Variants in MALRD1 observed in about 807,000 individuals in gnomAD.
MALRD1 encodes MAM and LDL-receptor class A domain-containing protein 1.
A neutral mutation model predicts 242.1 loss-of-function variants in MALRD1; 247 were observed. That is an observed-to-expected ratio of 1.02 (90% CI 0.92 to 1.13). MALRD1 has a LOEUF of 1.13. MALRD1 is among the 50% of genes most tolerant of loss of function. The pLI is 0.00. For missense variants in MALRD1, 2,989 were observed against 2,533.1 expected (o/e 1.18, Z -3.86); for synonymous variants, 995 against 866.6 (o/e 1.15, Z -2.60).
intron 21 of MALRD1, among the ~76,000 whole-genome samples, chr10:19,314,875 T>C (rs764571186): frequency 7.3e-5 from 11 of 151,236 alleles, no homozygotes; most frequent in Non-Finnish European, 1.0e-4. Flanking sequence ...CTCTTGATCG[T>C]TAGGTATAAG....
At chr10:19,312,202 T>A (rs1842452923) in intron 21 of MALRD1, among the ~76,000 whole-genome samples, 1 of 151,324 alleles carries the variant, frequency 6.6e-6, no homozygotes, top group South Asian at 2.1e-4. Flanking sequence ...CTCATGTAAA[T>A]GTGACTGTGA....
At chr10:19,718,101 G>GGAA (rs1834488855) in intron 38 of MALRD1, among the ~76,000 whole-genome samples, 1 of 89,696 alleles carries the variant, frequency 1.1e-5, no homozygotes, top group African/African-American at 5.4e-5. Flanking sequence ...AAGAAGAAGA[G>GGAA]GAAGAGGAAG....
chr10:19,124,752 G>A, intron 7 of MALRD1, 82 bp downstream of exon 7: 1 of 1,125,060 alleles, frequency 8.9e-7, no homozygotes, highest in South Asian at 4.6e-5. Flanking sequence ...TTACATAGGA[G>A]GCCTTGGTGA....
intron 24 of MALRD1, among the ~76,000 whole-genome samples, chr10:19,333,770 T>G (rs923966752): frequency 1.3e-5 from 2 of 152,098 alleles, no homozygotes; most frequent in Non-Finnish European, 2.9e-5. Flanking sequence ...ACCAGCAGTG[T>G]GTAAGCTTTG....
chr10:19,442,441 T>C (rs1834720222), intron 28 of MALRD1, among the ~76,000 whole-genome samples: 1 of 152,186 alleles, frequency 6.6e-6, no homozygotes, highest in African/African-American at 2.4e-5. Context: ...TTCAGTATGA[T>C]ATTGGCTGTG....
chr10:19,266,033 T>C (rs1839960609), intron 19 of MALRD1, among the ~76,000 whole-genome samples: 1 of 151,992 alleles, frequency 6.6e-6, no homozygotes, highest in South Asian at 2.1e-4. Flanking sequence ...TAGCTTCCTG[T>C]GCTCTTTTCT....
intron 36 of MALRD1, among the ~76,000 whole-genome samples, chr10:19,659,038 A>T (rs1384969636): frequency 6.6e-6 from 1 of 152,204 alleles, no homozygotes; most frequent in Non-Finnish European, 1.5e-5. Context: ...GACCAAAAAA[A>T]TGACTAGTCT....
intron 29 of MALRD1, among the ~76,000 whole-genome samples, chr10:19,452,125 A>T (rs1300014232): frequency 6.6e-6 from 1 of 152,228 alleles, no homozygotes; most frequent in Non-Finnish European, 1.5e-5. Flanking sequence ...TGAAAAGGAA[A>T]AATTCTTCAA....
intron 5 of MALRD1, among the ~76,000 whole-genome samples, chr10:19,110,733 G>T (rs1407986522): frequency 6.6e-6 from 1 of 152,104 alleles, no homozygotes; most frequent in Non-Finnish European, 1.5e-5. Context: ...TGAGACATCT[G>T]GTTCTTGACC....
At chr10:19,153,747 C>T (rs547523222) in intron 11 of MALRD1, among the ~76,000 whole-genome samples, 22 of 151,514 alleles carry the variant, frequency 1.5e-4, no homozygotes, top group African/African-American at 5.1e-4. Flanking sequence ...CCGTACATAT[C>T]TCGCTAGATT....
rs567207266 is a variant in MALRD1 at position 19,614,080 on chromosome 10, G to A, written c.6071-1777G>A. ...GACAGTAGGAGCAGGAACCATGGCT[G>A]TATATCTTTTAAAGTCAACATTTAT... is the stretch of plus-strand genomic sequence containing the variant. On this transcript the variant is annotated intron_variant, in intron 35 of 39. Transcript: ENST00000454679. Among the ~76,000 whole-genome samples the A allele has an allele frequency of 3.9e-5, 6 of 152,036 alleles. No individual in the cohort carries two copies. The South Asian group carries it at 1.2e-3, about 32-fold the overall frequency.
chr10:19,487,248 G>A (rs186987115), intron 29 of MALRD1, among the ~76,000 whole-genome samples: 239 of 151,474 alleles, frequency 1.6e-3, no homozygotes, highest in African/African-American at 5.5e-3. Flanking sequence ...TACCATTTTG[G>A]CTGAATAAAA....
intron 28 of MALRD1, among the ~76,000 whole-genome samples, chr10:19,407,459 G>A (rs916487001): frequency 2.0e-5 from 3 of 151,854 alleles, no homozygotes; most frequent in Admixed American, 6.6e-5. Flanking sequence ...TCCAGTCTGG[G>A]CAACAGAGCA....
Position 19,343,959 on chromosome 10 carries a change from T to C in MALRD1, c.3902-3812T>C, listed in dbSNP as rs12569376. 7.0e-3 allele frequency among the ~76,000 whole-genome samples: 1,059 copies of C among 152,254 alleles called. 80 individuals carry two copies. In the East Asian group the frequency reaches 0.17, roughly 25 times the overall value. On this transcript the variant is annotated intron_variant, in intron 24 of 39. Transcript: ENST00000454679. ...ATTTCCTGTGCTTGTTTATAATCCA[T>C]ATATCCCCTTGGCTGAAATATCTCT...
intron 28 of MALRD1, among the ~76,000 whole-genome samples, chr10:19,439,274 C>T (rs1289945982): frequency 6.6e-6 from 1 of 151,294 alleles, no homozygotes; most frequent in East Asian, 1.9e-4. Context: ...CTCTTGCCTG[C>T]AGTTCCAGCA....
chr10:19,603,911 C>G (rs1838485048), intron 34 of MALRD1, among the ~76,000 whole-genome samples: 1 of 152,098 alleles, frequency 6.6e-6, no homozygotes, highest in Non-Finnish European at 1.5e-5. Context: ...ACTGCTCCAC[C>G]AACCAGCCAT....
intron 18 of MALRD1, among the ~76,000 whole-genome samples, chr10:19,246,773 T>G (rs1839069154): frequency 6.6e-6 from 1 of 152,132 alleles, no homozygotes; most frequent in African/African-American, 2.4e-5. Flanking sequence ...TCAGGGAAAG[T>G]AGTATACTAA....
chr10:19,232,341 AT>A (rs34888584), intron 18 of MALRD1, among the ~76,000 whole-genome samples: 31,502 of 137,598 alleles, frequency 0.23, 3,383 homozygotes, highest in Admixed American at 0.35. Context: ...TAATTTTTGT[AT>A]TTTTTTTTTT....
At chr10:19,054,722 C>T (rs1267693485) in intron 1 of MALRD1, among the ~76,000 whole-genome samples, 2 of 152,106 alleles carry the variant, frequency 1.3e-5, no homozygotes, top group African/African-American at 4.8e-5. Context: ...CGTGTTGTCA[C>T]GAATGACAGG....
Sources: gnomAD v4.1 joint callset for allele counts (sites outside exome capture counted in the v4.1 genomes callset) on GRCh38, gnomAD v4.1.1 for gene constraint, MANE v1.5 for transcripts, NCBI Gene and HGNC (gene_info 2026-07-23, HGNC 2026-07-21) for gene names.